PLCB2: variants seen among roughly 807,000 people sequenced by gnomAD.
The protein encoded by PLCB2 is 1-phosphatidylinositol 4,5-bisphosphate phosphodiesterase beta-2.
In PLCB2, 115 loss-of-function variants were observed where a neutral mutation model predicts 141.7. The observed-to-expected ratio is 0.81, with a 90% CI of 0.70 to 0.95. The LOEUF (loss-of-function observed/expected upper bound fraction) is 0.95, where lower values mean the gene tolerates loss of function less well. Ranked by LOEUF, PLCB2 falls within the 40% of genes least tolerant of loss-of-function variation. PLCB2 has a pLI of 0.00. For missense variants in PLCB2, 1,403 were observed against 1,541.1 expected, an observed-to-expected ratio of 0.91 and a Z score of 1.50; for synonymous variants, 603 against 595.6, an observed-to-expected ratio of 1.01 and a Z score of -0.18.
intron 29 of PLCB2, among the ~76,000 whole-genome samples, 165 bp downstream of exon 29, chr15:40,290,412 G>T (rs549180575): frequency 6.6e-6 from 1 of 152,228 alleles, no homozygotes. Flanking sequence ...TCCGTGTTTT[G>T]TCTGAGGAGG....
intron 10 of PLCB2, 59 bp from the exon 11 acceptor site, chr15:40,298,439 C>A: frequency 2.5e-6 from 4 of 1,574,940 alleles, no homozygotes; most frequent in Non-Finnish European, 1.7e-6. Flanking sequence ...CAGCTCTCCC[C>A]CTACCGCCAC....
Position 40,299,258 on chromosome 15 carries a change from C to A in PLCB2, c.583-30G>T, listed in dbSNP as rs368409195. ...GGGCATAGTAACCTTATTGCCCCTG[C>A]CCTCACCTTCTCAGAGCTAAGAACC... On this transcript the variant is annotated intron_variant, in intron 7 of 31. Coordinates refer to ENST00000260402, the MANE Select transcript of PLCB2 (RefSeq NM_004573.3). 6 of 1,428,746 alleles carry A rather than the reference C, an allele frequency of 4.2e-6. No homozygotes were observed. The African/African-American group carries it at 8.4e-5, about 20-fold the overall frequency. 88.5% of individuals were successfully genotyped at this position (1,428,746 alleles called of 1,614,324 possible).
Position 40,291,241 on chromosome 15 carries a change from G to T in PLCB2, c.2870+24C>A, listed in dbSNP as rs1175877031. 5 of 1,572,628 alleles carry T rather than the reference G, an allele frequency of 3.2e-6. No homozygotes were observed. In the African/African-American group the frequency reaches 5.4e-5, roughly 17 times the overall value. On this transcript the variant is annotated intron_variant, in intron 26 of 31. Coordinates refer to ENST00000260402, the MANE Select transcript of PLCB2 (RefSeq NM_004573.3). ...TCCTGCGCCACCCGCGCTGCAGAGG[G>T]CAGGGCACCGCCACGAGCCTTACCT...
rs1042128157 is a variant in PLCB2, at chr15:40,307,869, T to C, written c.-197A>G. 7 of 401,076 alleles carry C rather than the reference T, an allele frequency of 1.7e-5. No homozygotes were observed. Among genetic ancestry groups the C allele is most frequent in the Non-Finnish European group, 3.1e-5 (7 of 226,952 alleles). The allele number at this position is 401,076 out of a possible 1,614,324, so 24.8% of individuals were successfully genotyped here. On this transcript the variant is annotated 5_prime_UTR_variant, in exon 1 of 32. It removes an upstream start codon present in the reference 5' UTR. Coordinates refer to ENST00000260402, the MANE Select transcript of PLCB2 (RefSeq NM_004573.3). ...GGACTGAGCTGTAGCCAGAGGCCCA[T>C]CTGCCTTGTAAATCACCCTCCTCCC...
At chr15:40,298,054 C>A in intron 11 of PLCB2, 95 bp from the exon 12 acceptor site, 2 of 1,163,028 alleles carry the variant, frequency 1.7e-6, no homozygotes, top group Admixed American at 2.1e-5. Flanking sequence ...TCAATACACA[C>A]ATATAACTGC....
chr15:40,290,893 C>CG, intron 27 of PLCB2, 56 bp from the exon 28 acceptor site: 7 of 780,310 alleles, frequency 9.0e-6, no homozygotes, highest in Non-Finnish European at 1.2e-5. Context: ...AGAGGGAGTA[C>CG]GGGGGGCGGG....
chr15:40,302,619 G>A lies in PLCB2; in HGVS notation c.232-10C>T, dbSNP rs942295404. On this transcript the variant is annotated splice_polypyrimidine_tract_variant and intron_variant, in intron 3 of 31. Transcript: ENST00000260402. ...CCCGGAGCTTCTGGCTCTGCAGCACGTGGTGGTATGGTTAGGATGGAGGTG... is the reference window on the plus strand; with the variant it reads ...CCCGGAGCTTCTGGCTCTGCAGCACATGGTGGTATGGTTAGGATGGAGGTG... The A allele has an allele frequency of 5.6e-6, 9 of 1,613,824 alleles. No individual in the cohort carries two copies. Among genetic ancestry groups the A allele is most frequent in the East Asian group, 2.2e-5 (1 of 44,894 alleles).
In PLCB2 at chr15:40,296,852, G is replaced by A. The variant is rs758026842; in HGVS notation, c.1380C>T (p.Ile460=). Residue 460 remains isoleucine (I), a synonymous_variant, in exon 14 of 32, where the codon ATC becomes ATT. Transcript: ENST00000260402. The part of the protein sequence containing the change: ...SPEDLRGKIL[I]KNKKNQFSGP... ...CAGAAAACTGGTTCTTCTTGTTCTT[G>A]ATGAGGATCTTGCCCCTGAGATCCT... 1 of 1,614,134 alleles carries A rather than the reference G, an allele frequency of 6.2e-7. No homozygotes were observed. Among genetic ancestry groups the A allele is most frequent in the South Asian group, 1.1e-5 (1 of 91,086 alleles).
intron 5 of PLCB2, 23 bp downstream of exon 5, chr15:40,302,247 C>G: frequency 6.2e-7 from 1 of 1,614,122 alleles, no homozygotes; most frequent in South Asian, 1.1e-5. Flanking sequence ...CACCAGGGCT[C>G]AGGCCAGGCA....
chr15:40,293,986 C>T (rs1039954737), intron 19 of PLCB2, among the ~76,000 whole-genome samples: 19 of 152,198 alleles, frequency 1.2e-4, no homozygotes, highest in African/African-American at 4.6e-4. Context: ...ATGCCTTCCC[C>T]CAGGACCTGG....
At chr15:40,285,945 T>G (rs188742024), downstream of PLCB2, 243 of 985,422 alleles carry the variant, frequency 2.5e-4, 1 homozygote, top group African/African-American at 3.8e-3. Context: ...GAAGAAGAGT[T>G]GGGGCAGAAA....
chr15:40,296,454 A>G (rs901944628), intron 15 of PLCB2, 62 bp from the exon 16 acceptor site: 6 of 1,612,716 alleles, frequency 3.7e-6, no homozygotes, highest in Non-Finnish European at 5.1e-6. Flanking sequence ...AATGGGGCCC[A>G]AGGCCCCCAT....
chr15:40,289,704 G>A (rs544224406), intron 30 of PLCB2: 47 of 507,206 alleles, frequency 9.3e-5, no homozygotes, highest in East Asian at 8.9e-4. Flanking sequence ...CCTGACCCTC[G>A]CCAGTCCCAG....
chr15:40,290,925 G>T, intron 27 of PLCB2, 88 bp from the exon 28 acceptor site: 1 of 1,422,618 alleles, frequency 7.0e-7, no homozygotes, highest in Non-Finnish European at 9.6e-7. Context: ...GGGAGTCGGT[G>T]AGGGGGTTGG....
chr15:40,306,250 C>A (rs2040788463), intron 1 of PLCB2, among the ~76,000 whole-genome samples: 1 of 152,226 alleles, frequency 6.6e-6, no homozygotes, highest in South Asian at 2.1e-4. Context: ...CCCTGTCTCA[C>A]AGCAGCATGG....
Position 40,291,355 on chromosome 15 carries a change from C to A in PLCB2, c.2780G>T (p.Gly927Val). ...ARRWEELLQR[G>V]AAQLAELGPP... ...CCCGAGCTCCGCCAGCTGCGCCGCG[C>A]CCCGCTGCAGCAGCTCCTCCCAGCG... The change falls in exon 26 of 32, where the codon GGC (glycine) becomes GTC (valine). Residue 927 changes from glycine (G) to valine (V), a missense_variant. Transcript: ENST00000260402. 2 of 1,525,458 alleles carry A rather than the reference C, an allele frequency of 1.3e-6. No individual in the cohort carries two copies. The highest frequency in any genetic ancestry group is 4.0e-5 in the Admixed American group (2 of 49,994). 94.5% of individuals were successfully genotyped at this position (1,525,458 alleles called of 1,614,324 possible). A position where few individuals can be genotyped will look rare whatever the true frequency, so the allele number is the denominator to read the frequency against.
At chr15:40,295,352 C>A in intron 16 of PLCB2, 67 bp from the exon 17 acceptor site, 1 of 1,111,294 alleles carries the variant, frequency 9.0e-7, no homozygotes, top group South Asian at 1.2e-5. Flanking sequence ...CTTGGCCTCC[C>A]CTTTGGGGCA....
chr15:40,297,469 C>A lies in PLCB2; in HGVS notation c.1323+52G>T. 2 of 1,380,394 alleles carry A rather than the reference C, an allele frequency of 1.4e-6. No individual in the cohort carries two copies. The highest frequency in any genetic ancestry group is 2.1e-6 in the Non-Finnish European group (2 of 966,672). The allele number at this position is 1,380,394 out of a possible 1,614,324, so 85.5% of individuals were successfully genotyped here. ...CCTCCCTAACCTGGTTCTCACCCTGCCCCAGGTTCCCAGGCCCAAGGCTCA... is the reference window on the plus strand; with the variant it reads ...CCTCCCTAACCTGGTTCTCACCCTGACCCAGGTTCCCAGGCCCAAGGCTCA... On this transcript the variant is annotated intron_variant, in intron 13 of 31. Coordinates refer to ENST00000260402, the MANE Select transcript of PLCB2 (RefSeq NM_004573.3). The surrounding 1 kb of genome is among the most constrained non-coding windows in gnomAD (Gnocchi z 4.2).
intron 1 of PLCB2, among the ~76,000 whole-genome samples, chr15:40,306,345 G>A (rs2040794625): frequency 6.6e-6 from 1 of 152,126 alleles, no homozygotes; most frequent in Non-Finnish European, 1.5e-5. Flanking sequence ...GAGGGGAAGG[G>A]AACAGCCAGG....
Sources: allele counts gnomAD v4.1 joint callset (sites outside exome capture counted in the v4.1 genomes callset), GRCh38; gene constraint gnomAD v4.1.1; non-coding constraint Gnocchi (gnomAD v3.1); transcripts MANE v1.5; gene names NCBI Gene and HGNC (gene_info 2026-07-23, HGNC 2026-07-21).